The following ABTB3 variants were observed in gnomAD, a reference collection of about 807,000 sequenced individuals.
ABTB3 encodes the protein ankyrin repeat- and BTB/POZ domain-containing protein 3.
At chr12:107,405,935 A>G in the ABTB3 span, among the ~76,000 whole-genome samples, 1 of 152,198 alleles carries the variant, frequency 6.6e-6, no homozygotes, top group African/African-American at 2.4e-5. Context: ...TCTGTAAACG[A>G]AGGCATTGGA....
chr12:107,635,177 A>T, the ABTB3 span: 1 of 907,040 alleles, frequency 1.1e-6, no homozygotes. Flanking sequence ...TGTGGCCTGC[A>T]GTAAATGTGT....
chr12:107,523,260 T>G, the ABTB3 span, among the ~76,000 whole-genome samples: 4 of 152,200 alleles, frequency 2.6e-5, no homozygotes, highest in Non-Finnish European at 5.9e-5. Context: ...GGGGCGCTTA[T>G]GGCCACTAGA....
chr12:107,350,414 G>A, the ABTB3 span, among the ~76,000 whole-genome samples: 29 of 152,104 alleles, frequency 1.9e-4, no homozygotes, highest in Middle Eastern at 3.4e-3. Flanking sequence ...TGGGCTGGGC[G>A]TGGTGGGGGG....
chr12:107,347,924 G>T, the ABTB3 span, among the ~76,000 whole-genome samples: 2 of 152,106 alleles, frequency 1.3e-5, no homozygotes, highest in Admixed American at 6.5e-5. Flanking sequence ...TGAAATACCA[G>T]CAAGCTGAAG....
the ABTB3 span, among the ~76,000 whole-genome samples, chr12:107,606,771 A>G: frequency 1.9e-4 from 29 of 152,180 alleles, no homozygotes; most frequent in African/African-American, 7.0e-4. Context: ...GAGAAGAAAG[A>G]TTTTCTCTAT....
the ABTB3 span, among the ~76,000 whole-genome samples, chr12:107,519,447 C>A: frequency 6.6e-6 from 1 of 151,814 alleles, no homozygotes; most frequent in African/African-American, 2.4e-5. Context: ...CTCAGCCTCC[C>A]CAGTAGCTGG....
the ABTB3 span, among the ~76,000 whole-genome samples, chr12:107,344,907 TAA>T: frequency 6.6e-6 from 1 of 152,240 alleles, no homozygotes; most frequent in Non-Finnish European, 1.5e-5. Flanking sequence ...GATTTGCTTT[TAA>T]AATCACCCTG....
chr12:107,635,687 C>T, the ABTB3 span, among the ~76,000 whole-genome samples: 1 of 152,106 alleles, frequency 6.6e-6, no homozygotes, highest in Admixed American at 6.5e-5. Context: ...ACAGGTGGCT[C>T]CTGAAAGAAG....
At chr12:107,522,559 A>AT in the ABTB3 span, among the ~76,000 whole-genome samples, 1 of 148,286 alleles carries the variant, frequency 6.7e-6, no homozygotes, top group Admixed American at 6.7e-5. Flanking sequence ...TCTATATTTT[A>AT]TTTTTTTAAT....
the ABTB3 span, chr12:107,544,155 C>A: frequency 1.8e-4 from 287 of 1,611,956 alleles, 1 homozygote; most frequent in African/African-American, 3.6e-3. Context: ...AACTGCCTTG[C>A]CTTGCCTTGT....
At chr12:107,550,494 T>TAA in the ABTB3 span, among the ~76,000 whole-genome samples, 1 of 124,944 alleles carries the variant, frequency 8.0e-6, no homozygotes, top group African/African-American at 3.0e-5. Flanking sequence ...TCTGGGAAGC[T>TAA]AAAAAAAAAA....
the ABTB3 span, among the ~76,000 whole-genome samples, chr12:107,614,496 C>T: frequency 6.6e-6 from 1 of 152,088 alleles, no homozygotes; most frequent in Admixed American, 6.5e-5. Flanking sequence ...TGGGGTTTGC[C>T]ACCACTGAGA....
At chr12:107,632,655 G>A in the ABTB3 span, among the ~76,000 whole-genome samples, 1 of 152,192 alleles carries the variant, frequency 6.6e-6, no homozygotes, top group East Asian at 1.9e-4. Context: ...TCTCTGGGTT[G>A]GAAATCTGGG....
chr12:107,460,590 T>C, the ABTB3 span, among the ~76,000 whole-genome samples: 12,917 of 151,050 alleles, frequency 0.086, 619 homozygotes, highest in Middle Eastern at 0.15. Context: ...GCCCCGGAGG[T>C]GGAAGTGGCA....
At chr12:107,418,642 A>G in the ABTB3 span, among the ~76,000 whole-genome samples, 1 of 152,224 alleles carries the variant, frequency 6.6e-6, no homozygotes, top group Non-Finnish European at 1.5e-5. Context: ...AGCATGTTGC[A>G]GCCCAGAAAC....
the ABTB3 span, chr12:107,543,939 C>A: frequency 6.2e-7 from 1 of 1,612,652 alleles, no homozygotes; most frequent in Non-Finnish European, 8.5e-7. Flanking sequence ...CCACAGGTGA[C>A]CTGGTGTCCC....
the ABTB3 span, among the ~76,000 whole-genome samples, chr12:107,430,236 C>A: frequency 3.3e-5 from 5 of 152,034 alleles, no homozygotes; most frequent in Non-Finnish European, 7.4e-5. Context: ...TTACCCAGTC[C>A]CCTTTTGTTG....
chr12:107,403,856 C>G, the ABTB3 span, among the ~76,000 whole-genome samples: 1 of 152,080 alleles, frequency 6.6e-6, no homozygotes, highest in Non-Finnish European at 1.5e-5. Context: ...TGCCCCCCTA[C>G]CCAAATCAGA....
At chr12:107,425,053 G>A in the ABTB3 span, among the ~76,000 whole-genome samples, 1 of 151,986 alleles carries the variant, frequency 6.6e-6, no homozygotes, top group Non-Finnish European at 1.5e-5. Context: ...TCACACCCTC[G>A]ATTGCCTGCC....
Sources: allele counts gnomAD v4.1 joint callset (sites outside exome capture counted in the v4.1 genomes callset), GRCh38; gene constraint gnomAD v4.1.1; transcripts MANE v1.5; gene names NCBI Gene and HGNC (gene_info 2026-07-23, HGNC 2026-07-21).